The following TMPRSS6 variants were observed in gnomAD, a reference collection of about 807,000 sequenced individuals.
TMPRSS6 encodes transmembrane serine protease 6, also known as transmembrane protease serine 6.
A neutral mutation model predicts 101.5 loss-of-function variants in TMPRSS6; 67 were observed. The ratio of observed to expected loss-of-function variants is 0.66; its 90% CI spans 0.54 to 0.81. The LOEUF (loss-of-function observed/expected upper bound fraction) is 0.81, where lower values mean the gene tolerates loss of function less well. Among genes scored for constraint, TMPRSS6 ranks in the 30% least tolerant of loss-of-function variants. TMPRSS6 has a pLI of 0.00. For missense variants in TMPRSS6, 1,034 were observed against 1,088.7 expected, an observed-to-expected ratio of 0.95 and a Z score of 0.71; for synonymous variants, 453 against 464.9, an observed-to-expected ratio of 0.97 and a Z score of 0.33.
intron 16 of TMPRSS6, among the ~76,000 whole-genome samples, chr22:37,067,339 A>G (rs112112870): frequency 0.027 from 4,182 of 152,202 alleles, 197 homozygotes; most frequent in African/African-American, 0.094. Flanking sequence ...GTGTGGTGGC[A>G]CATGCCTGTA....
chr22:37,077,922 C>G (rs1601533047), intron 10 of TMPRSS6, among the ~76,000 whole-genome samples: 2 of 152,338 alleles, frequency 1.3e-5, no homozygotes, highest in African/African-American at 4.8e-5. Flanking sequence ...AGCCGCCACC[C>G]CCGACCATGG....
In TMPRSS6 at chr22:37,074,677, A is replaced by G; in HGVS notation, c.1374T>C (p.Asn458=). 6.2e-7 allele frequency: 1 copy of G among 1,614,208 alleles called. No individual in the cohort carries two copies. The highest frequency in any genetic ancestry group is 8.5e-7 in the Non-Finnish European group (1 of 1,180,026). Reference sequence around the variant, plus strand: ...CATCACAGGCAGGGACACAGAGTCCATTCACAGAACAGAGGAACTCTCCAG... The same window carrying G: ...CATCACAGGCAGGGACACAGAGTCCGTTCACAGAACAGAGGAACTCTCCAG... The part of the protein sequence containing the change: ...PCPGEFLCSV[N]GLCVPACDGV... The change falls in exon 12 of 18, where the codon AAT becomes AAC. Residue 458 remains asparagine, a synonymous_variant. Transcript: ENST00000676104.
At chr22:37,099,904 C>T (rs558529547) in intron 2 of TMPRSS6, among the ~76,000 whole-genome samples, 1 of 108,462 alleles carries the variant, frequency 9.2e-6, no homozygotes, top group African/African-American at 2.8e-5. Flanking sequence ...TGGGAGGACT[C>T]GGGCTTTCAC....
chr22:37,070,368 TG>T (rs1926768618), intron 15 of TMPRSS6, 115 bp downstream of exon 15: 7 of 1,364,132 alleles, frequency 5.1e-6, no homozygotes, highest in Non-Finnish European at 7.3e-6. Flanking sequence ...GTAGCCTGTC[TG>T]GGGGGTCCAC....
At chr22:37,085,950 C>T (rs1367877233) in intron 8 of TMPRSS6, among the ~76,000 whole-genome samples, 2 of 150,520 alleles carry the variant, frequency 1.3e-5, no homozygotes, top group South Asian at 2.1e-4. Context: ...CAGGTCCAGG[C>T]GAGTGAGGAG....
rs2146180567 is a variant in TMPRSS6, at chr22:37,101,273, G to A, written c.202+1943C>T. On this transcript the variant is annotated intron_variant, in intron 2 of 17. Transcript: ENST00000676104. This position sits in a 1 kb window ranked among gnomAD's most constrained non-coding sequence, Gnocchi z 4.1. ...TGGGGCTTCTCTTCTAAGCTGTTTT[G>A]TTTTCTCACTGAAGCAGGAGACAGG... Among the ~76,000 whole-genome samples the A allele has an allele frequency of 6.6e-6, 1 of 152,194 alleles. No individual in the cohort carries two copies. Among genetic ancestry groups the A allele is most frequent in the Admixed American group, 6.5e-5 (1 of 15,288 alleles).
At chr22:37,088,535 C>T (rs1234820678) in intron 7 of TMPRSS6, among the ~76,000 whole-genome samples, 2 of 152,164 alleles carry the variant, frequency 1.3e-5, no homozygotes, top group Admixed American at 6.5e-5. Flanking sequence ...TGTAGGCTAA[C>T]ACCCATCTCC....
At chr22:37,092,837 T>C (rs2146138019) in intron 6 of TMPRSS6, among the ~76,000 whole-genome samples, 1 of 152,196 alleles carries the variant, frequency 6.6e-6, no homozygotes, top group Non-Finnish European at 1.5e-5. Context: ...TCTTCCAGGA[T>C]CCCCCAGTCA....
chr22:37,068,771 G>A, intron 16 of TMPRSS6: 1 of 745,100 alleles, frequency 1.3e-6, no homozygotes, highest in Admixed American at 1.9e-5. Context: ...CACCCTTGCA[G>A]CCCAAGGAAC....
rs1392764637 is a variant in TMPRSS6, at chr22:37,099,331, G to A, written c.203-782C>T. Among the ~76,000 whole-genome samples the A allele has an allele frequency of 3.3e-5, 5 of 152,384 alleles. No homozygotes were observed. In the East Asian group the frequency reaches 5.8e-4, roughly 18 times the overall value. ...TTTGGCTGGAGCAGTCAGAGATGGG[G>A]AGGGGCGGCAAGGAGCTGGGGCCTC... is the stretch of plus-strand genomic sequence containing the variant. On this transcript the variant is annotated intron_variant, in intron 2 of 17. Coordinates refer to ENST00000676104, the MANE Select transcript of TMPRSS6 (RefSeq NM_001374504.1).
intron 16 of TMPRSS6, among the ~76,000 whole-genome samples, chr22:37,067,182 T>C (rs1170029199): frequency 6.6e-6 from 1 of 152,104 alleles, no homozygotes; most frequent in East Asian, 1.9e-4. Flanking sequence ...CCAAAGCCCA[T>C]GTGGAGGGCC....
At chr22:37,066,283 C>T in intron 17 of TMPRSS6, 45 bp from the exon 18 acceptor site, 2 of 1,545,904 alleles carry the variant, frequency 1.3e-6, no homozygotes, top group Non-Finnish European at 8.8e-7. Flanking sequence ...GTAAGGGCAC[C>T]CCCTTTTCCA....
At chr22:37,096,186 C>T in intron 4 of TMPRSS6, 96 bp from the exon 5 acceptor site, 2 of 1,376,562 alleles carry the variant, frequency 1.5e-6, no homozygotes, top group Admixed American at 3.7e-5. Flanking sequence ...TTCCGCACCT[C>T]AGCCATTGCT....
intron 1 of TMPRSS6, among the ~76,000 whole-genome samples, chr22:37,104,625 T>C (rs1214670841): frequency 1.3e-5 from 2 of 152,116 alleles, no homozygotes; most frequent in Admixed American, 6.5e-5. Context: ...ACTGCGAAGT[T>C]CATCTCCTCT....
intron 1 of TMPRSS6, among the ~76,000 whole-genome samples, chr22:37,106,329 T>C (rs1421941846): frequency 6.6e-6 from 1 of 152,040 alleles, no homozygotes; most frequent in Non-Finnish European, 1.5e-5. Context: ...AGGTCGTGGG[T>C]CCATTAGAGG....
In TMPRSS6 at chr22:37,069,017, C is replaced by T. The variant is rs1037505610; in HGVS notation, c.2113+56G>A. The T allele has an allele frequency of 1.1e-4, 171 of 1,528,906 alleles. 1 individual carries two copies. The highest frequency in any genetic ancestry group is 7.5e-4 in the Admixed American group (38 of 50,510). 94.7% of individuals were successfully genotyped at this position (1,528,906 alleles called of 1,614,324 possible). Reference sequence around the variant, plus strand: ...CCGCCCTTCTCCAGGCCAGGTGTTACGGCGCAGATCCGCACGGTCTCCCTC... The same window carrying T: ...CCGCCCTTCTCCAGGCCAGGTGTTATGGCGCAGATCCGCACGGTCTCCCTC... On this transcript the variant is annotated intron_variant, in intron 16 of 17. Transcript: ENST00000676104. The surrounding 1 kb of genome is among the most constrained non-coding windows in gnomAD (Gnocchi z 4.8).
intron 1 of TMPRSS6, among the ~76,000 whole-genome samples, chr22:37,104,488 G>T (rs1368374054): frequency 1.3e-5 from 2 of 152,120 alleles, no homozygotes; most frequent in Non-Finnish European, 2.9e-5. Context: ...CCACGCTCCA[G>T]GGTTCCAACT....
chr22:37,075,193 C>G lies in TMPRSS6; in HGVS notation c.1284G>C (p.Gln428His). The G allele has an allele frequency of 6.2e-7, 1 of 1,614,040 alleles. No homozygotes were observed. Among genetic ancestry groups the G allele is most frequent in the Non-Finnish European group, 8.5e-7 (1 of 1,180,036 alleles). The part of the protein sequence containing the change: ...TAGITINFTS[Q>H]ISLTGPGVRV... ...GCACACCGGGCCCGGTGAGGGAGAT[C>G]TGGGAGGTGAAGTTGATGGTGATCC... The change falls in exon 11 of 18, where the codon CAG becomes CAC. Residue 428 changes from glutamine to histidine, a missense_variant. By Grantham distance (24) the Gln-to-His change is conservative (BLOSUM62 0). Coordinates refer to ENST00000676104, the MANE Select transcript of TMPRSS6 (RefSeq NM_001374504.1).
chr22:37,106,232 G>A (rs536994937), intron 1 of TMPRSS6, among the ~76,000 whole-genome samples: 1 of 152,046 alleles, frequency 6.6e-6, no homozygotes, highest in African/African-American at 2.4e-5. Context: ...AAGTCAAGCA[G>A]ATTGACTTCA....
Sources: allele counts gnomAD v4.1 joint callset (sites outside exome capture counted in the v4.1 genomes callset), GRCh38; gene constraint gnomAD v4.1.1; non-coding constraint Gnocchi (gnomAD v3.1); transcripts MANE v1.5; gene names NCBI Gene and HGNC (gene_info 2026-07-23, HGNC 2026-07-21).